Variants in SEC14L1 observed in about 807,000 individuals in gnomAD.
SEC14L1 encodes SEC14 like lipid binding 1.
SEC14L1 carries 48 observed loss-of-function variants against 85.3 expected under a neutral mutation model. The observed-to-expected ratio is 0.56, with a 90% CI of 0.45 to 0.72. The LOEUF (loss-of-function observed/expected upper bound fraction) is 0.72, where lower values mean the gene tolerates loss of function less well. SEC14L1 is among the 30% of genes least tolerant of loss of function. The pLI is 0.00. For synonymous variants in SEC14L1, 391 were observed against 355.5 expected (o/e 1.10, Z -1.12); for missense variants, 682 against 921.4 (o/e 0.74, Z 3.36).
intron 3 of SEC14L1, among the ~76,000 whole-genome samples, chr17:77,160,044 A>G (rs1973993834): frequency 6.6e-6 from 1 of 152,224 alleles, no homozygotes; most frequent in Non-Finnish European, 1.5e-5. Flanking sequence ...TTCAAGGTCT[A>G]TGAAGTACAA....
At chr17:77,092,072 G>A (rs1185478780) in intron 2 of SEC14L1, among the ~76,000 whole-genome samples, 2 of 152,162 alleles carry the variant, frequency 1.3e-5, no homozygotes, top group Non-Finnish European at 2.9e-5. Context: ...GCCTCCCAAA[G>A]TGCTGGGATT....
chr17:77,105,295 C>T (rs1032801152), intron 3 of SEC14L1, among the ~76,000 whole-genome samples: 2 of 151,796 alleles, frequency 1.3e-5, no homozygotes, highest in Non-Finnish European at 2.9e-5. Flanking sequence ...ACCCCTATAC[C>T]CAGACAGGGC....
chr17:77,214,907 A>C lies in SEC14L1; in HGVS notation c.*884A>C. 1 of 985,380 alleles carries C rather than the reference A, an allele frequency of 1.0e-6. No homozygotes were observed. Among genetic ancestry groups the C allele is most frequent in the African/African-American group, 1.7e-5 (1 of 57,320 alleles). 61.0% of individuals were successfully genotyped at this position (985,380 alleles called of 1,614,324 possible). ...CAGAGCCCAGACAGTTCCAGCCACT[A>C]GGAGGCCGTCTTGGAACCAGCAAGT... is the stretch of plus-strand genomic sequence containing the variant. On this transcript the variant is annotated 3_prime_UTR_variant, in exon 17 of 17. Coordinates refer to ENST00000436233, the MANE Select transcript of SEC14L1 (RefSeq NM_001143998.2).
Position 77,200,626 on chromosome 17 carries a change from AG to A in SEC14L1, c.964del (p.Val322SerfsTer34). On this transcript the variant is annotated frameshift_variant, in exon 9 of 17. Transcript: ENST00000436233. LOFTEE classifies it high-confidence loss of function. ...ATTCTTGAAACCTGGACCCCTCCTCAGGTCCTTCAGGATTACTACGCGGGAG... is the reference window on the plus strand; with the variant it reads ...ATTCTTGAAACCTGGACCCCTCCTCAGTCCTTCAGGATTACTACGCGGGAG... ...DYILETWTPP[Q>X]VLQDYYAGGW... 6.2e-7 allele frequency: 1 copy of A among 1,614,096 alleles called. No homozygotes were observed. The highest frequency in any genetic ancestry group is 8.5e-7 in the Non-Finnish European group (1 of 1,179,986).
At chr17:77,117,358 AC>A (rs1972196514) in intron 3 of SEC14L1, among the ~76,000 whole-genome samples, 2 of 152,178 alleles carry the variant, frequency 1.3e-5, no homozygotes, top group South Asian at 4.1e-4. Flanking sequence ...GAAAAGCAGA[AC>A]AAAACAAAAC....
chr17:77,147,293 T>C (rs1973357426), intron 3 of SEC14L1, among the ~76,000 whole-genome samples: 1 of 152,162 alleles, frequency 6.6e-6, no homozygotes, highest in Non-Finnish European at 1.5e-5. Context: ...TATAAATAGG[T>C]ACACAGTCAG....
chr17:77,135,770 G>T (rs1156462343), intron 3 of SEC14L1, among the ~76,000 whole-genome samples: 1 of 151,940 alleles, frequency 6.6e-6, no homozygotes, highest in Non-Finnish European at 1.5e-5. Context: ...GGAACTCCTG[G>T]GCTCAAGCAA....
intron 3 of SEC14L1, among the ~76,000 whole-genome samples, chr17:77,154,142 T>A (rs1973697236): frequency 6.6e-6 from 1 of 152,254 alleles, no homozygotes; most frequent in African/African-American, 2.4e-5. Context: ...ATTTACATTG[T>A]ATTTGGTATT....
At chr17:77,207,941 A>G (rs540364879) in intron 13 of SEC14L1, among the ~76,000 whole-genome samples, 14 of 152,174 alleles carry the variant, frequency 9.2e-5, no homozygotes, top group Non-Finnish European at 2.1e-4. Flanking sequence ...TCTTGGGAGC[A>G]TTACGGAAGC....
At chr17:77,207,452 G>GT (rs944001909) in intron 13 of SEC14L1, among the ~76,000 whole-genome samples, 66 of 146,578 alleles carry the variant, frequency 4.5e-4, no homozygotes, top group East Asian at 2.2e-3. Flanking sequence ...GACATTTTTG[G>GT]TTTTTTTTTT....
In SEC14L1 at chr17:77,206,199, G is replaced by T. The variant is rs779666973; in HGVS notation, c.1170-30G>T. 6.9e-5 allele frequency: 110 copies of T among 1,601,454 alleles called. 2 individuals are homozygous for T. In the South Asian group the frequency reaches 1.2e-3, roughly 17 times the overall value. On this transcript the variant is annotated intron_variant, in intron 11 of 16. Transcript: ENST00000436233. The surrounding 1 kb of genome is among the most constrained non-coding windows in gnomAD (Gnocchi z 4.3). Reference sequence around the variant, plus strand: ...CAGTTTGCTAAGTGTGCTGTCTGTTGAATGAAACACATCTCTGCACAACCT... The same window carrying T: ...CAGTTTGCTAAGTGTGCTGTCTGTTTAATGAAACACATCTCTGCACAACCT...
At chr17:77,096,491 C>T (rs956295705) in intron 3 of SEC14L1, among the ~76,000 whole-genome samples, 18 of 151,238 alleles carry the variant, frequency 1.2e-4, no homozygotes, top group African/African-American at 3.7e-4. Flanking sequence ...TGGGAGGCAG[C>T]GGTTGCAGTG....
intron 3 of SEC14L1, among the ~76,000 whole-genome samples, chr17:77,132,971 T>C (rs968390317): frequency 2.0e-5 from 3 of 151,908 alleles, no homozygotes; most frequent in African/African-American, 4.8e-5. Flanking sequence ...CAAGTGATTC[T>C]CCCACTTGAG....
At chr17:77,125,369 C>T (rs1382251660) in intron 3 of SEC14L1, among the ~76,000 whole-genome samples, 2 of 151,352 alleles carry the variant, frequency 1.3e-5, no homozygotes, top group South Asian at 4.2e-4. Context: ...CAATGATGCA[C>T]ACCTTTTGAT....
Position 77,160,331 on chromosome 17 carries a change from G to C in SEC14L1, c.63+16672G>C, listed in dbSNP as rs118018966. On this transcript the variant is annotated intron_variant, in intron 3 of 16. Coordinates refer to ENST00000436233, the MANE Select transcript of SEC14L1 (RefSeq NM_001143998.2). ...GTAAAACCGTACTCTGCCAAGTCCA[G>C]GCGGATCTGAAGGGGAATATGCACA... 2.6e-5 allele frequency among the ~76,000 whole-genome samples: 4 copies of C among 152,324 alleles called. No individual in the cohort carries two copies. The South Asian group carries it at 8.3e-4, about 32-fold the overall frequency.
At chr17:77,154,994 C>G (rs940249769) in intron 3 of SEC14L1, among the ~76,000 whole-genome samples, 1 of 152,194 alleles carries the variant, frequency 6.6e-6, no homozygotes, top group Non-Finnish European at 1.5e-5. Context: ...TTGGGGACCC[C>G]CAGTTGTATA....
intron 10 of SEC14L1, among the ~76,000 whole-genome samples, chr17:77,205,034 C>T (rs1253797202): frequency 6.6e-6 from 1 of 152,224 alleles, no homozygotes; most frequent in Non-Finnish European, 1.5e-5. Flanking sequence ...CTCTGTGCTT[C>T]ACTTTGGATA....
At chr17:77,198,170 G>A (rs529764875) in intron 8 of SEC14L1, among the ~76,000 whole-genome samples, 43 of 152,252 alleles carry the variant, frequency 2.8e-4, no homozygotes, top group African/African-American at 9.9e-4. Flanking sequence ...CATAGTTAAG[G>A]CCAAAAATAT....
intron 3 of SEC14L1, among the ~76,000 whole-genome samples, chr17:77,189,851 A>G (rs1033103626): frequency 2.0e-5 from 3 of 152,068 alleles, no homozygotes; most frequent in Non-Finnish European, 2.9e-5. Context: ...GATGGTCTCA[A>G]TCTCCTGACC....
Sources: allele counts gnomAD v4.1 joint callset (sites outside exome capture counted in the v4.1 genomes callset), GRCh38; gene constraint gnomAD v4.1.1; non-coding constraint Gnocchi (gnomAD v3.1); transcripts MANE v1.5; gene names NCBI Gene and HGNC (gene_info 2026-07-23, HGNC 2026-07-21).